Variants in UST observed in about 807,000 individuals in gnomAD.
The protein encoded by UST is chondroitin sulfate 2-O-sulfotransferase.
Under a neutral mutation model 45.6 loss-of-function variants are expected in UST, and 21 were observed. The ratio of observed to expected loss-of-function variants is 0.46; its 90% CI spans 0.33 to 0.66. The LOEUF is 0.66. Ranked by LOEUF, UST falls within the 30% of genes least tolerant of loss-of-function variation. The probability of loss-of-function intolerance (pLI) is 0.02; values close to 1 mark genes in which losing one functional copy is unlikely to be tolerated. For synonymous variants in UST, 215 were observed against 200.6 expected (o/e 1.07, Z -0.61); for missense variants, 463 against 512.4 (o/e 0.90, Z 0.93).
chr6:148,921,475 A>G (rs566074655), intron 2 of UST, among the ~76,000 whole-genome samples: 1 of 152,330 alleles, frequency 6.6e-6, no homozygotes, highest in South Asian at 2.1e-4. Context: ...GTGAAAAAGC[A>G]TTCCATCCGT....
chr6:149,007,911 G>T lies in UST; in HGVS notation c.682-11228G>T, dbSNP rs191778736. ...GTGAGAGCCCAGATCTATTTGTTTA[G>T]TCTGTTTCTTCCCATGTTGCTCATA... On this transcript the variant is annotated intron_variant, in intron 5 of 7. Coordinates refer to ENST00000367463, the MANE Select transcript of UST (RefSeq NM_005715.3). Among the ~76,000 whole-genome samples, 20 of 152,172 alleles carry T rather than the reference G, an allele frequency of 1.3e-4. 1 individual carries two copies. In the East Asian group the frequency reaches 3.9e-3, roughly 29 times the overall value.
At chr6:148,969,427 C>G (rs1174725526) in intron 5 of UST, among the ~76,000 whole-genome samples, 1 of 152,192 alleles carries the variant, frequency 6.6e-6, no homozygotes, top group East Asian at 1.9e-4. Flanking sequence ...TATTTATATT[C>G]CCTTCTCAGC....
intron 7 of UST, among the ~76,000 whole-genome samples, chr6:149,031,834 G>A (rs546690618): frequency 1.3e-5 from 2 of 152,234 alleles, no homozygotes. Flanking sequence ...CTGGAAGGCC[G>A]TCACTAACAG....
rs965256689 is a variant in UST at position 149,005,306 on chromosome 6, C to T, written c.682-13833C>T. On this transcript the variant is annotated intron_variant, in intron 5 of 7. Transcript: ENST00000367463. Reference sequence around the variant, plus strand: ...CATCCCTCTCTTCTGGGTCCAGGATCAGCCATAGAATTGGAGAGGGTTGAG... The same window carrying T: ...CATCCCTCTCTTCTGGGTCCAGGATTAGCCATAGAATTGGAGAGGGTTGAG... The T allele has an allele frequency of 9.1e-6, 9 of 985,272 alleles. No individual in the cohort carries two copies. The African/African-American group carries it at 1.6e-4, about 17-fold the overall frequency. The allele number at this position is 985,272 out of a possible 1,614,324, so 61.0% of individuals were successfully genotyped here. A position where few individuals can be genotyped will look rare whatever the true frequency, so the allele number is the denominator to read the frequency against.
intron 2 of UST, among the ~76,000 whole-genome samples, chr6:148,926,619 T>C (rs777389450): frequency 6.6e-6 from 1 of 152,124 alleles, no homozygotes; most frequent in Non-Finnish European, 1.5e-5. Context: ...GGGAGGAGAA[T>C]AGAATGGAAA....
At chr6:148,899,182 C>T (rs1779198901) in intron 2 of UST, among the ~76,000 whole-genome samples, 1 of 147,058 alleles carries the variant, frequency 6.8e-6, no homozygotes, top group South Asian at 2.2e-4. Context: ...TCACTGCAAG[C>T]TCCGCCTCCC....
chr6:148,772,910 T>C (rs1210699384), intron 1 of UST, among the ~76,000 whole-genome samples: 1 of 152,232 alleles, frequency 6.6e-6, no homozygotes. Flanking sequence ...AGGATGGAAT[T>C]GATTTTACTA....
At chr6:149,024,004 A>C (rs532275592) in intron 7 of UST, among the ~76,000 whole-genome samples, 104 of 152,316 alleles carry the variant, frequency 6.8e-4, no homozygotes, top group African/African-American at 2.4e-3. Flanking sequence ...TTTCCCTCAG[A>C]GTTTGGCATA....
Position 148,826,199 on chromosome 6 carries a change from G to A in UST, c.248-60787G>A, listed in dbSNP as rs145289701. Among the ~76,000 whole-genome samples, 42 of 152,276 alleles carry A rather than the reference G, an allele frequency of 2.8e-4. No homozygotes were observed. In the East Asian group the frequency reaches 6.6e-3, roughly 24 times the overall value. ...GCAATCTCCACCCACTGCAGCCTCC[G>A]CCTCCCAGGTTCAAGCCATTCTTCT... On this transcript the variant is annotated intron_variant, in intron 1 of 7. Transcript: ENST00000367463.
At chr6:148,925,554 G>A (rs2114902903) in intron 2 of UST, among the ~76,000 whole-genome samples, 1 of 152,290 alleles carries the variant, frequency 6.6e-6, no homozygotes, top group Middle Eastern at 3.4e-3. Context: ...GAAGAAAGGG[G>A]GGAATATTTC....
Position 148,983,868 on chromosome 6 carries a change from C to T in UST, c.681+19305C>T, listed in dbSNP as rs185341296. Among the ~76,000 whole-genome samples the T allele has an allele frequency of 2.8e-4, 42 of 152,296 alleles. No individual in the cohort carries two copies. In the East Asian group the frequency reaches 7.9e-3, roughly 29 times the overall value. On this transcript the variant is annotated intron_variant, in intron 5 of 7. Coordinates refer to ENST00000367463, the MANE Select transcript of UST (RefSeq NM_005715.3). ...GTAGTCTTCAAGGTGACCAAATCACCATAGGAGACCCTATCACCACCACCC... is the reference window on the plus strand; with the variant it reads ...GTAGTCTTCAAGGTGACCAAATCACTATAGGAGACCCTATCACCACCACCC...
chr6:148,806,111 A>G (rs1777140626), intron 1 of UST, among the ~76,000 whole-genome samples: 1 of 151,722 alleles, frequency 6.6e-6, no homozygotes, highest in Admixed American at 6.6e-5. Context: ...TGCATATAGT[A>G]TAATTGCGGC....
At chr6:148,862,242 CATT>C (rs1291392810) in intron 1 of UST, among the ~76,000 whole-genome samples, 1 of 152,146 alleles carries the variant, frequency 6.6e-6, no homozygotes, top group African/African-American at 2.4e-5. Context: ...ATCCCTTTGC[CATT>C]ATGTAATGGC....
intron 7 of UST, among the ~76,000 whole-genome samples, chr6:149,023,145 TGTGTG>T (rs1319252525): frequency 0.022 from 2,464 of 110,682 alleles, 25 homozygotes; most frequent in Non-Finnish European, 0.035. Context: ...TGTGTGTGTG[TGTGTG>T]GTGTGGTGTG....
chr6:148,945,051 T>C (rs1780208542), intron 3 of UST, among the ~76,000 whole-genome samples: 12 of 152,236 alleles, frequency 7.9e-5, no homozygotes, highest in Admixed American at 7.9e-4. Context: ...ATTACTTTCA[T>C]TCTCTTTAAA....
At chr6:149,052,008 G>A (rs1177779491) in intron 7 of UST, among the ~76,000 whole-genome samples, 4 of 152,192 alleles carry the variant, frequency 2.6e-5, no homozygotes, top group African/African-American at 9.7e-5. Context: ...TCATGATCAA[G>A]AAGTGCTTTG....
At chr6:149,044,837 C>T (rs568012727) in intron 7 of UST, among the ~76,000 whole-genome samples, 4 of 152,300 alleles carry the variant, frequency 2.6e-5, no homozygotes, top group South Asian at 2.1e-4. Flanking sequence ...TCCAATAACA[C>T]GTGCTTTGGA....
At chr6:148,989,164 T>C (rs1781298148) in intron 5 of UST, among the ~76,000 whole-genome samples, 2 of 151,452 alleles carry the variant, frequency 1.3e-5, no homozygotes, top group Non-Finnish European at 2.9e-5. Context: ...CTACTTCTGG[T>C]CTGTGAGAAC....
intron 2 of UST, among the ~76,000 whole-genome samples, chr6:148,920,901 A>C (rs1349743690): frequency 6.6e-6 from 1 of 152,166 alleles, no homozygotes; most frequent in Non-Finnish European, 1.5e-5. Context: ...CTGTACCCTG[A>C]CCGTGTTCCC....
Sources: allele counts gnomAD v4.1 joint callset (sites outside exome capture counted in the v4.1 genomes callset), GRCh38; gene constraint gnomAD v4.1.1; transcripts MANE v1.5; gene names NCBI Gene and HGNC (gene_info 2026-07-23, HGNC 2026-07-21).